Variants in PCDH7 observed in about 807,000 individuals in gnomAD.
The protein encoded by PCDH7 is protocadherin-7.
Under a neutral mutation model 58.9 loss-of-function variants are expected in PCDH7, and 17 were observed. That is an observed-to-expected ratio of 0.29 (90% CI 0.20 to 0.43). The LOEUF is 0.43. PCDH7 is among the 20% of genes least tolerant of loss of function. The pLI is 1.00. For missense variants in PCDH7, 1,274 were observed against 1,441.0 expected (o/e 0.88, Z 1.88); for synonymous variants, 664 against 616.4 (o/e 1.08, Z -1.14).
chr4:31,026,984 G>A (rs936767277), intron 3 of PCDH7, among the ~76,000 whole-genome samples: 1 of 152,170 alleles, frequency 6.6e-6, no homozygotes, highest in Non-Finnish European at 1.5e-5. Flanking sequence ...ATGGGAGTAA[G>A]ATGCTAACAT....
chr4:30,721,551 C>G lies in PCDH7; in HGVS notation c.129C>G (p.Pro43=). Residue 43 remains proline (P), a synonymous_variant, in exon 1 of 2, where the codon CCC becomes CCG. Transcript: ENST00000361762. The surrounding 1 kb of genome is among the most constrained non-coding windows in gnomAD (Gnocchi z 6.7). ...GGTACCGGCTGGCCGAGGAGGGCCC[C>G]GCCGACGTCCGCATCGGCAACGTGG... is the stretch of plus-strand genomic sequence containing the variant. 2 of 1,603,630 alleles carry G rather than the reference C, an allele frequency of 1.2e-6. No individual in the cohort carries two copies. Among genetic ancestry groups the G allele is most frequent in the Non-Finnish European group, 1.7e-6 (2 of 1,179,810 alleles).
intron 3 of PCDH7, among the ~76,000 whole-genome samples, chr4:31,082,935 C>T (rs945157249): frequency 1.2e-4 from 19 of 152,058 alleles, no homozygotes; most frequent in African/African-American, 3.1e-4. Flanking sequence ...GGTGAAACCC[C>T]GTCTCTACTA....
chr4:31,008,397 A>G (rs1420884434), intron 3 of PCDH7, among the ~76,000 whole-genome samples: 1 of 152,160 alleles, frequency 6.6e-6, no homozygotes, highest in Non-Finnish European at 1.5e-5. Flanking sequence ...AGTTAACTTG[A>G]ATAACTTACT....
chr4:30,772,650 T>C (rs1012175119), intron 1 of PCDH7, among the ~76,000 whole-genome samples: 30 of 152,176 alleles, frequency 2.0e-4, no homozygotes, highest in African/African-American at 6.3e-4. Flanking sequence ...TGAAGGACTG[T>C]GACTCTAGCA....
chr4:30,991,652 G>T (rs957408501), intron 3 of PCDH7, among the ~76,000 whole-genome samples: 1 of 152,100 alleles, frequency 6.6e-6, no homozygotes, highest in Non-Finnish European at 1.5e-5. Context: ...TTTAGTATTT[G>T]AAATTGACAC....
In PCDH7 at chr4:30,905,306, T is replaced by C. The variant is rs1012854260; in HGVS notation, c.71-14847T>C. 7.9e-5 allele frequency among the ~76,000 whole-genome samples: 12 copies of C among 152,258 alleles called. No individual in the cohort carries two copies. In the East Asian group the frequency reaches 2.1e-3, roughly 27 times the overall value. On this transcript the variant is annotated intron_variant, in intron 1 of 3. Transcript: ENST00000509759. The stretch of plus-strand genomic sequence containing the variant: ...ACTTGGCTCTTCAGCATTGCTCCCT[T>C]GAACTGCTGCAGACTAACTCCAACT...
intron 3 of PCDH7, among the ~76,000 whole-genome samples, chr4:31,104,250 T>G (rs1184237053): frequency 1.3e-5 from 2 of 152,232 alleles, no homozygotes; most frequent in Non-Finnish European, 2.9e-5. Context: ...GTGACTAACA[T>G]TGAATCTGCT....
chr4:30,728,899 T>C (rs1399348986), intron 1 of PCDH7, among the ~76,000 whole-genome samples: 1 of 151,656 alleles, frequency 6.6e-6, no homozygotes, highest in Non-Finnish European at 1.5e-5. Flanking sequence ...GTGTATACCA[T>C]TTATAGCTGT....
chr4:30,869,371 G>T (rs1345465803), intron 1 of PCDH7, among the ~76,000 whole-genome samples: 1 of 152,046 alleles, frequency 6.6e-6, no homozygotes, highest in African/African-American at 2.4e-5. Context: ...TGCCATGGTG[G>T]TTTGCTGCAC....
intron 2 of PCDH7, among the ~76,000 whole-genome samples, chr4:30,933,680 A>G (rs140637601): frequency 1.2e-3 from 186 of 152,162 alleles, no homozygotes; most frequent in African/African-American, 4.0e-3. Context: ...CCAACTATCT[A>G]TCAATTTTTT....
At chr4:31,130,246 G>A (rs967944981) in intron 3 of PCDH7, among the ~76,000 whole-genome samples, 2 of 152,028 alleles carry the variant, frequency 1.3e-5, no homozygotes, top group Non-Finnish European at 2.9e-5. Flanking sequence ...CACCCAGAAA[G>A]GTGAGCTGTT....
rs529356514 is a variant in PCDH7, at chr4:31,101,520, T to G, written c.*8-40953T>G. ...ATAAGCATACTTAGGGAAAAAGCAATGAACAATTGCCATATCTGTCTGTGT... is the reference window on the plus strand; with the variant it reads ...ATAAGCATACTTAGGGAAAAAGCAAGGAACAATTGCCATATCTGTCTGTGT... On this transcript the variant is annotated intron_variant, in intron 3 of 3. Transcript: ENST00000509759. Among the ~76,000 whole-genome samples, 4 of 152,270 alleles carry G rather than the reference T, an allele frequency of 2.6e-5. No individual in the cohort carries two copies. The East Asian group carries it at 7.7e-4, about 29-fold the overall frequency.
intron 3 of PCDH7, among the ~76,000 whole-genome samples, chr4:31,079,290 G>A (rs576372015): frequency 1.3e-3 from 124 of 97,836 alleles, no homozygotes; most frequent in African/African-American, 4.9e-3. Flanking sequence ...GTGTGTAAAA[G>A]ATATTTACAA....
chr4:30,874,681 A>C (rs965606042), intron 1 of PCDH7, among the ~76,000 whole-genome samples: 1 of 151,472 alleles, frequency 6.6e-6, no homozygotes, highest in Non-Finnish European at 1.5e-5. Context: ...CCTAAAACTT[A>C]AAGTATAATA....
At chr4:30,926,154 A>G (rs1407597020) in intron 2 of PCDH7, among the ~76,000 whole-genome samples, 1 of 151,568 alleles carries the variant, frequency 6.6e-6, no homozygotes, top group East Asian at 2.0e-4. Context: ...TTAAATAACA[A>G]TGATAAATAG....
chr4:30,971,307 T>A (rs1749561675), intron 3 of PCDH7, among the ~76,000 whole-genome samples: 1 of 152,208 alleles, frequency 6.6e-6, no homozygotes, highest in Non-Finnish European at 1.5e-5. Flanking sequence ...TATCTCCATG[T>A]AGACTGAAAC....
chr4:30,920,213 C>T, exon 2 of PCDH7: 1 of 1,367,758 alleles, frequency 7.3e-7, no homozygotes, highest in Non-Finnish European at 9.8e-7. Flanking sequence ...TCAGGGGTCA[C>T]TGCAGAGTTG....
At chr4:30,764,951 C>T (rs561740533) in intron 1 of PCDH7, among the ~76,000 whole-genome samples, 5 of 151,854 alleles carry the variant, frequency 3.3e-5, no homozygotes, top group African/African-American at 2.4e-5. Context: ...TATCTCCTGA[C>T]GTCGTGATCT....
At chr4:30,857,739 C>A (rs1210897394) in intron 1 of PCDH7, among the ~76,000 whole-genome samples, 1 of 152,050 alleles carries the variant, frequency 6.6e-6, no homozygotes, top group East Asian at 1.9e-4. Flanking sequence ...CCAGTTCTAT[C>A]TTGGTTAAAA....
Sources: gnomAD v4.1 joint callset for allele counts (sites outside exome capture counted in the v4.1 genomes callset) on GRCh38, gnomAD v4.1.1 for gene constraint, Gnocchi (gnomAD v3.1) non-coding constraint, MANE v1.5 for transcripts, NCBI Gene and HGNC (gene_info 2026-07-23, HGNC 2026-07-21) for gene names.